The following ELMO1 variants were observed in gnomAD, a reference collection of about 807,000 sequenced individuals.
ELMO1 encodes engulfment and cell motility protein 1.
In ELMO1, 26 loss-of-function variants were observed where a neutral mutation model predicts 98.9. That is an observed-to-expected ratio of 0.26 (90% confidence interval 0.19 to 0.36). The LOEUF is 0.36. Ranked by LOEUF, ELMO1 falls within the 10% of genes least tolerant of loss-of-function variation. The probability of loss-of-function intolerance (pLI) is 1.00; values close to 1 mark genes in which losing one functional copy is unlikely to be tolerated. For synonymous variants in ELMO1, 346 were observed against 346.0 expected (o/e 1.00, Z 0.00); for missense variants, 627 against 935.2 (o/e 0.67, Z 4.30).
chr7:37,389,864 G>A (rs1017629965), intron 1 of ELMO1, among the ~76,000 whole-genome samples: 2 of 151,808 alleles, frequency 1.3e-5, no homozygotes, highest in Non-Finnish European at 2.9e-5. Flanking sequence ...CCCTCATTAG[G>A]GAGAGCTGCT....
chr7:37,205,072 C>T (rs1481425268), intron 13 of ELMO1, among the ~76,000 whole-genome samples: 1 of 152,190 alleles, frequency 6.6e-6, no homozygotes, highest in Non-Finnish European at 1.5e-5. Context: ...AACCCAGAAG[C>T]CCAGCCGGCT....
intron 18 of ELMO1, among the ~76,000 whole-genome samples, chr7:36,886,665 G>T (rs1270858335): frequency 2.0e-5 from 3 of 152,142 alleles, no homozygotes; most frequent in African/African-American, 7.2e-5. Context: ...GGAGAGTGTG[G>T]TATGAAGACT....
chr7:37,105,792 T>C, intron 14 of ELMO1, among the ~76,000 whole-genome samples: 1 of 152,202 alleles, frequency 6.6e-6, no homozygotes, highest in East Asian at 1.9e-4. Flanking sequence ...TTGTTTTTCC[T>C]GTGACTAATA....
chr7:37,184,647 C>T (rs915866132), intron 13 of ELMO1, among the ~76,000 whole-genome samples: 2 of 152,108 alleles, frequency 1.3e-5, no homozygotes, highest in Non-Finnish European at 2.9e-5. Flanking sequence ...ATGGCTCACA[C>T]CTATAATCCT....
At chr7:37,289,653 A>G (rs1797573999) in intron 4 of ELMO1, among the ~76,000 whole-genome samples, 1 of 152,236 alleles carries the variant, frequency 6.6e-6, no homozygotes, top group Non-Finnish European at 1.5e-5. Flanking sequence ...AAGAAACCCC[A>G]GACAAATGGG....
At chr7:37,240,896 A>T (rs577502087) in intron 7 of ELMO1, among the ~76,000 whole-genome samples, 7 of 152,292 alleles carry the variant, frequency 4.6e-5, no homozygotes, top group Middle Eastern at 3.4e-3. Flanking sequence ...ATTTTGATGA[A>T]CATTCCATGT....
In ELMO1 at chr7:37,094,788, T is replaced by C. The variant is rs866987047; in HGVS notation, c.1300+1831A>G. Among the ~76,000 whole-genome samples, 3 of 152,342 alleles carry C rather than the reference T, an allele frequency of 2.0e-5. No individual in the cohort carries two copies. In the South Asian group the frequency reaches 6.2e-4, roughly 32 times the overall value. ...ACCCAAAATACTTCCAATCCATTTCTAGACATTCTGCTCTGGAGAGAACCT... is the reference window on the plus strand; with the variant it reads ...ACCCAAAATACTTCCAATCCATTTCCAGACATTCTGCTCTGGAGAGAACCT... On this transcript the variant is annotated intron_variant, in intron 15 of 21. Coordinates refer to ENST00000310758, the MANE Select transcript of ELMO1 (RefSeq NM_014800.11).
At chr7:36,970,157 C>T (rs866425871) in intron 16 of ELMO1, among the ~76,000 whole-genome samples, 5 of 141,014 alleles carry the variant, frequency 3.5e-5, no homozygotes, top group African/African-American at 1.6e-4. Context: ...CACAAACACA[C>T]ACACAAATAC....
chr7:37,379,273 C>T (rs1202847249), intron 1 of ELMO1, among the ~76,000 whole-genome samples: 2 of 152,156 alleles, frequency 1.3e-5, no homozygotes, highest in Non-Finnish European at 2.9e-5. Context: ...ATCTCCTGAC[C>T]TCGTGATCCA....
At chr7:36,914,608 T>C (rs1270338445) in intron 16 of ELMO1, among the ~76,000 whole-genome samples, 3 of 151,512 alleles carry the variant, frequency 2.0e-5, no homozygotes, top group Admixed American at 2.0e-4. Flanking sequence ...CCGCCTCCCG[T>C]GTTCAAGTGA....
At chr7:37,153,871 C>T (rs903038709) in intron 13 of ELMO1, among the ~76,000 whole-genome samples, 2 of 152,024 alleles carry the variant, frequency 1.3e-5, no homozygotes, top group African/African-American at 4.8e-5. Flanking sequence ...CCCTGACCCC[C>T]GAGTAGCCTG....
chr7:37,159,185 G>T (rs578171019), intron 13 of ELMO1, among the ~76,000 whole-genome samples: 1 of 152,134 alleles, frequency 6.6e-6, no homozygotes, highest in Non-Finnish European at 1.5e-5. Flanking sequence ...ATAGCATTAG[G>T]AGAAATACCT....
chr7:37,337,840 T>C (rs1383852481), intron 2 of ELMO1, among the ~76,000 whole-genome samples: 2 of 152,054 alleles, frequency 1.3e-5, no homozygotes, highest in African/African-American at 4.8e-5. Flanking sequence ...GAAAAGCTGC[T>C]GCTCAGAAAT....
At chr7:37,282,775 A>G (rs1183515173) in intron 4 of ELMO1, among the ~76,000 whole-genome samples, 1 of 152,152 alleles carries the variant, frequency 6.6e-6, no homozygotes, top group Non-Finnish European at 1.5e-5. Flanking sequence ...CCGCCACCCC[A>G]TTAGAGTGGC....
chr7:37,236,637 CAT>C (rs1392651134), intron 7 of ELMO1, among the ~76,000 whole-genome samples: 1 of 151,832 alleles, frequency 6.6e-6, no homozygotes, highest in Non-Finnish European at 1.5e-5. Context: ...CTGTATATAA[CAT>C]ATTCATTAGG....
chr7:36,868,881 C>T (rs1440916333), intron 20 of ELMO1, among the ~76,000 whole-genome samples: 2 of 152,134 alleles, frequency 1.3e-5, no homozygotes, highest in Non-Finnish European at 2.9e-5. Context: ...CAGCTCAGCC[C>T]CAAGTGTTAC....
At chr7:37,124,434 A>G (rs945081670) in intron 14 of ELMO1, among the ~76,000 whole-genome samples, 2 of 152,218 alleles carry the variant, frequency 1.3e-5, no homozygotes, top group Non-Finnish European at 2.9e-5. Context: ...AACTTCAGCA[A>G]AGTCTCAGGA....
intron 18 of ELMO1, among the ~76,000 whole-genome samples, chr7:36,884,563 C>T (rs1804769725): frequency 6.6e-6 from 1 of 152,142 alleles, no homozygotes; most frequent in South Asian, 2.1e-4. Context: ...GGGACTTCAA[C>T]CCAGCTTATT....
chr7:37,303,274 T>C (rs746419780), intron 4 of ELMO1, among the ~76,000 whole-genome samples: 37 of 152,300 alleles, frequency 2.4e-4, no homozygotes, highest in Middle Eastern at 3.4e-3. Flanking sequence ...ATCATCCTGA[T>C]GGGTTCTAAC....
Sources: allele counts gnomAD v4.1 joint callset (sites outside exome capture counted in the v4.1 genomes callset), GRCh38; gene constraint gnomAD v4.1.1; transcripts MANE v1.5; gene names NCBI Gene and HGNC (gene_info 2026-07-23, HGNC 2026-07-21).